The following CFAP54 variants were observed in gnomAD, a reference collection of about 807,000 sequenced individuals.
The protein encoded by CFAP54 is cilia and flagella associated protein 54, also known as cilia- and flagella-associated protein 54.
CFAP54 carries 290 observed loss-of-function variants against 370.4 expected under a neutral mutation model. That is an observed-to-expected ratio of 0.78 (90% CI 0.71 to 0.86). The LOEUF (loss-of-function observed/expected upper bound fraction) is 0.86, where lower values mean the gene tolerates loss of function less well. CFAP54 is among the 40% of genes least tolerant of loss of function. The pLI is 0.00. For synonymous variants in CFAP54, 1,206 were observed against 1,236.5 expected (o/e 0.98, Z 0.52); for missense variants, 3,399 against 3,528.7 (o/e 0.96, Z 0.93).
At chr12:96,515,916 T>TG (rs1403305593) in intron 5 of CFAP54, among the ~76,000 whole-genome samples, 1 of 118,416 alleles carries the variant, frequency 8.4e-6, no homozygotes, top group Non-Finnish European at 1.7e-5. Flanking sequence ...CTCTATGTTT[T>TG]TTTTTTTTTT....
intron 58 of CFAP54, among the ~76,000 whole-genome samples, chr12:96,758,361 A>T (rs1030832853): frequency 4.6e-5 from 7 of 152,202 alleles, no homozygotes; most frequent in African/African-American, 1.7e-4. Flanking sequence ...GTGGAAGGCG[A>T]AAGTCACATC....
chr12:96,701,888 A>T (rs1957495680), intron 46 of CFAP54, among the ~76,000 whole-genome samples: 1 of 152,088 alleles, frequency 6.6e-6, no homozygotes, highest in South Asian at 2.1e-4. Context: ...TTGAGCAGAG[A>T]AGTGACGTGA....
chr12:96,495,588 T>A (rs1322661200), intron 1 of CFAP54, among the ~76,000 whole-genome samples: 1 of 151,998 alleles, frequency 6.6e-6, no homozygotes, highest in African/African-American at 2.4e-5. Flanking sequence ...CCCAAAGTGC[T>A]GGGATTACAG....
At chr12:96,860,157 TTTA>T (rs1959838711) in intron 66 of CFAP54, among the ~76,000 whole-genome samples, 3 of 124,514 alleles carry the variant, frequency 2.4e-5, no homozygotes. Context: ...TTTTTTTTTT[TTTA>T]ACCAGGATTC....
intron 17 of CFAP54, among the ~76,000 whole-genome samples, chr12:96,559,750 TTG>T (rs1417820142): frequency 1.3e-5 from 2 of 152,108 alleles, no homozygotes; most frequent in African/African-American, 4.8e-5. Context: ...ACTGTAGCAT[TTG>T]TCAGCTAATA....
chr12:96,657,076 A>G (rs1480515362), intron 36 of CFAP54, among the ~76,000 whole-genome samples: 6 of 152,162 alleles, frequency 3.9e-5, no homozygotes, highest in Non-Finnish European at 8.8e-5. Flanking sequence ...ACTTTTGTTG[A>G]TACTTCACAC....
intron 39 of CFAP54, among the ~76,000 whole-genome samples, chr12:96,667,310 G>C (rs1193437890): frequency 6.6e-6 from 1 of 152,158 alleles, no homozygotes; most frequent in Non-Finnish European, 1.5e-5. Flanking sequence ...GACTCTGTGT[G>C]GGGGCTCCAA....
intron 34 of CFAP54, among the ~76,000 whole-genome samples, chr12:96,649,377 A>T (rs979128505): frequency 6.6e-6 from 1 of 152,074 alleles, no homozygotes; most frequent in Non-Finnish European, 1.5e-5. Context: ...TGGCAATAGA[A>T]TATTTTGCTA....
chr12:96,647,842 T>G (rs1565927738), intron 33 of CFAP54, 33 bp from the exon 34 acceptor site: 1 of 1,472,694 alleles, frequency 6.8e-7, no homozygotes, highest in East Asian at 2.6e-5. Context: ...TTTGCTTATA[T>G]TGTTTTTTAA....
At chr12:96,568,074 T>A (rs1417436008) in intron 19 of CFAP54, among the ~76,000 whole-genome samples, 1 of 152,256 alleles carries the variant, frequency 6.6e-6, no homozygotes, top group Non-Finnish European at 1.5e-5. Context: ...GTCTATTAAC[T>A]GTGTTAGCAG....
Position 96,784,837 on chromosome 12 carries a change from T to C in CFAP54, c.8402T>C (p.Leu2801Pro), listed in dbSNP as rs1448054128. 6.5e-7 allele frequency: 1 copy of C among 1,533,460 alleles called. No homozygotes were observed. Among genetic ancestry groups the C allele is most frequent in the Non-Finnish European group, 8.7e-7 (1 of 1,145,438 alleles). 95.0% of individuals were successfully genotyped at this position (1,533,460 alleles called of 1,614,324 possible). A position where few individuals can be genotyped will look rare whatever the true frequency, so the allele number is the denominator to read the frequency against. Residue 2801 changes from leucine to proline, a missense_variant, in exon 61 of 68, where the codon CTA (leucine) becomes CCA (proline). Transcript: ENST00000524981. The stretch of plus-strand genomic sequence containing the variant: ...AAAGTGGATATTACATGGATCCTTC[T>C]ACTGCGCTACTATATTCACCTTCAG... Reference protein sequence around the residue: ...QTKVDITWILLLRYYIHLQRI... With the variant: ...QTKVDITWILPLRYYIHLQRI...
At chr12:96,553,500 AG>A (rs1955718590) in intron 15 of CFAP54, among the ~76,000 whole-genome samples, 1 of 84,634 alleles carries the variant, frequency 1.2e-5, no homozygotes, top group South Asian at 3.1e-4. Context: ...ATATATATAT[AG>A]TAATATATGT....
intron 50 of CFAP54, among the ~76,000 whole-genome samples, chr12:96,729,633 C>T (rs888494413): frequency 2.8e-4 from 42 of 152,334 alleles, no homozygotes; most frequent in Non-Finnish European, 5.1e-4. Flanking sequence ...TGACCCCTTG[C>T]GCTTCCCGAG....
chr12:96,499,947 A>AAAAACAAAAC (rs147160957), intron 1 of CFAP54, among the ~76,000 whole-genome samples: 11,937 of 148,744 alleles, frequency 0.08, 551 homozygotes, highest in Middle Eastern at 0.14. Context: ...ACTCCATCTC[A>AAAAACAAAAC]AAAACAAAAC....
intron 60 of CFAP54, among the ~76,000 whole-genome samples, chr12:96,774,608 G>A (rs1021485902): frequency 6.6e-6 from 1 of 151,976 alleles, no homozygotes; most frequent in African/African-American, 2.4e-5. Flanking sequence ...TTTTTTATGT[G>A]TTAAGTCTGG....
chr12:96,554,932 T>C, intron 17 of CFAP54, 130 bp downstream of exon 17: 1 of 772,284 alleles, frequency 1.3e-6, no homozygotes, highest in Non-Finnish European at 1.8e-6. Flanking sequence ...TTTTTCTACT[T>C]CCCTAATTAA....
chr12:96,584,877 T>G (rs898008846), intron 22 of CFAP54, among the ~76,000 whole-genome samples: 10 of 152,164 alleles, frequency 6.6e-5, no homozygotes, highest in African/African-American at 2.4e-4. Context: ...TACTTCTCCA[T>G]CTTTGGAGGA....
At chr12:96,647,820 A>ATTT in intron 33 of CFAP54, 55 bp from the exon 34 acceptor site, 4 of 1,393,806 alleles carry the variant, frequency 2.9e-6, no homozygotes, top group Non-Finnish European at 3.8e-6. Context: ...CATTTGACAG[A>ATTT]TTTAATTCAA....
intron 22 of CFAP54, among the ~76,000 whole-genome samples, chr12:96,586,866 T>G (rs955702906): frequency 3.9e-5 from 6 of 152,038 alleles, no homozygotes; most frequent in Admixed American, 3.3e-4. Flanking sequence ...AAATAGAACG[T>G]AAGGGGGTAG....
Sources: allele counts gnomAD v4.1 joint callset (sites outside exome capture counted in the v4.1 genomes callset), GRCh38; gene constraint gnomAD v4.1.1; transcripts MANE v1.5; gene names NCBI Gene and HGNC (gene_info 2026-07-23, HGNC 2026-07-21).